The following CYP2E1 variants were observed in gnomAD, a reference collection of about 807,000 sequenced individuals.
CYP2E1 encodes the protein cytochrome P450 2E1.
Under a neutral mutation model 42.9 loss-of-function variants are expected in CYP2E1, and 31 were observed. The observed-to-expected ratio is 0.72, with a 90% confidence interval of 0.54 to 0.98. The LOEUF (loss-of-function observed/expected upper bound fraction) is 0.98. CYP2E1 is among the 50% of genes least tolerant of loss of function. The pLI is 0.00. For missense variants in CYP2E1, 565 were observed against 633.2 expected (o/e 0.89, Z 1.16); for synonymous variants, 244 against 248.9 (o/e 0.98, Z 0.19).
chr10:133,532,683 C>A lies in CYP2E1; in HGVS notation c.649-9C>A, dbSNP rs1476136018. 4 of 1,558,506 alleles carry A rather than the reference C, an allele frequency of 2.6e-6. No homozygotes were observed. Among genetic ancestry groups the A allele is most frequent in the Admixed American group, 2.1e-5 (1 of 48,090 alleles). ...AAAAAAGTAGTAAAATATTTTTTTCCCTCTCTAGCTTTACAATAATTTTCC... is the reference window on the plus strand; with the variant it reads ...AAAAAAGTAGTAAAATATTTTTTTCACTCTCTAGCTTTACAATAATTTTCC... On this transcript the variant is annotated splice_polypyrimidine_tract_variant and intron_variant, in intron 4 of 8. Transcript: ENST00000252945.
At position 133,527,439 on chromosome 10, in the gene CYP2E1, C is replaced by G; in HGVS notation, c.44C>G (p.Ala15Gly). Residue 15 changes from alanine (A) to glycine (G), a missense_variant, in exon 1 of 9, where the codon GCC becomes GGC. Physicochemically the swap from Ala to Gly is moderately conservative, Grantham distance 60. Coordinates refer to ENST00000252945, the MANE Select transcript of CYP2E1 (RefSeq NM_000773.4). Reference sequence around the variant, plus strand: ...ACCGTGGCCCTGCTGGTGTGGGCGGCCTTCCTCCTGCTGGTGTCCATGTGG... The same window carrying G: ...ACCGTGGCCCTGCTGGTGTGGGCGGGCTTCCTCCTGCTGGTGTCCATGTGG... ...GVTVALLVWA[A>G]FLLLVSMWRQ... The G allele has an allele frequency of 6.2e-7, 1 of 1,613,426 alleles. No individual in the cohort carries two copies. Among genetic ancestry groups the G allele is most frequent in the Non-Finnish European group, 8.5e-7 (1 of 1,179,860 alleles).
intron 5 of CYP2E1, 32 bp downstream of exon 5, chr10:133,532,900 C>T (rs1851356027): frequency 1.9e-6 from 3 of 1,561,166 alleles, no homozygotes; most frequent in Admixed American, 2.0e-5. Flanking sequence ...TGTGGGCTCT[C>T]CGGGGTGGGC....
intron 6 of CYP2E1, 60 bp from the exon 7 acceptor site, chr10:133,537,003 G>GTGGATGATGGA (rs1375619468): frequency 9.2e-6 from 14 of 1,515,864 alleles, no homozygotes; most frequent in Non-Finnish European, 7.3e-6. Flanking sequence ...TGGATGATGG[G>GTGGATGATGGA]TGGATGCCCA....
intron 1 of CYP2E1, 93 bp from the exon 2 acceptor site, chr10:133,528,388 C>A: frequency 2.0e-6 from 3 of 1,464,058 alleles, no homozygotes; most frequent in South Asian, 1.3e-5. Flanking sequence ...TTCTCTAGAG[C>A]AACAGCAATA....
chr10:133,534,007 A>C, intron 6 of CYP2E1, 110 bp downstream of exon 6: 3 of 1,206,696 alleles, frequency 2.5e-6, no homozygotes, highest in Non-Finnish European at 3.5e-6. Context: ...GTTAACCCTC[A>C]TGGTGATGTG....
intron 2 of CYP2E1, 44 bp downstream of exon 2, chr10:133,528,684 C>G (rs775047394): frequency 1.8e-4 from 288 of 1,605,774 alleles, no homozygotes; most frequent in Non-Finnish European, 2.2e-4. Context: ...GCATAACACG[C>G]CCCGGGACAG....
Position 133,538,930 on chromosome 10 carries a change from C to T in CYP2E1, c.1448C>T (p.Pro483Leu). 6.2e-7 allele frequency: 1 copy of T among 1,613,924 alleles called. No individual in the cohort carries two copies. Among genetic ancestry groups the T allele is most frequent in the Non-Finnish European group, 8.5e-7 (1 of 1,179,938 alleles). Residue 483 changes from proline to leucine, a missense_variant, in exon 9 of 9, where the codon CCA (proline) becomes CTA (leucine). Physicochemically the swap from Pro to Leu is moderately conservative, Grantham distance 98 (BLOSUM62 -3). Transcript: ENST00000252945. ...CATATTGGGTTTGGCTGTATCCCAC[C>T]ACGTTACAAACTCTGTGTCATTCCC... is the stretch of plus-strand genomic sequence containing the variant. ...PIHIGFGCIP[P>L]RYKLCVIPRS
At chr10:133,528,228 T>G in intron 1 of CYP2E1, 1 of 401,856 alleles carries the variant, frequency 2.5e-6, no homozygotes. Context: ...GTCCGCGGAG[T>G]TGCCGCGGAG....
chr10:133,529,223 C>G (rs921296972), intron 2 of CYP2E1, among the ~76,000 whole-genome samples: 1 of 152,218 alleles, frequency 6.6e-6, no homozygotes, highest in African/African-American at 2.4e-5. Context: ...TCCAGAGCCC[C>G]GAGTTCAGCA....
chr10:133,534,034 C>G, intron 6 of CYP2E1, 137 bp downstream of exon 6: 1 of 918,434 alleles, frequency 1.1e-6, no homozygotes, highest in South Asian at 1.6e-5. Context: ...TGGCTAGATG[C>G]ACTGCTGTGA....
At chr10:133,538,679 G>T in intron 8 of CYP2E1, 101 bp from the exon 9 acceptor site, 2 of 1,040,322 alleles carry the variant, frequency 1.9e-6, no homozygotes, top group Non-Finnish European at 2.9e-6. Context: ...ATGGCCGTTT[G>T]CCCACAGCCT....
intron 2 of CYP2E1, among the ~76,000 whole-genome samples, chr10:133,529,075 G>A (rs765776981): frequency 6.6e-6 from 1 of 152,230 alleles, no homozygotes; most frequent in Non-Finnish European, 1.5e-5. Context: ...GCTTTGCTCA[G>A]CTGCAGCTGG....
At position 133,532,775 on chromosome 10, in the gene CYP2E1, G is replaced by A. The variant is rs369888957; in HGVS notation, c.732G>A (p.Glu244=). 3 of 1,613,688 alleles carry A rather than the reference G, an allele frequency of 1.9e-6. No homozygotes were observed. Among genetic ancestry groups the A allele is most frequent in the South Asian group, 1.1e-5 (1 of 91,034 alleles). Residue 244 remains glutamate, a synonymous_variant, in exon 5 of 9, where the codon GAG becomes GAA. Transcript: ENST00000252945. The part of the protein sequence containing the change: ...KVIKNVAEVK[E]YVSERVKEHH... ...TAAAAAATGTGGCTGAAGTAAAAGA[G>A]TATGTGTCTGAAAGGGTGAAGGAGC...
intron 3 of CYP2E1, 136 bp downstream of exon 3, chr10:133,531,870 C>A: frequency 1.1e-6 from 1 of 933,482 alleles, no homozygotes; most frequent in Non-Finnish European, 1.6e-6. Flanking sequence ...TCCCCAGATA[C>A]TGCATTTTAC....
chr10:133,538,324 A>G (rs1851431015), intron 8 of CYP2E1, among the ~76,000 whole-genome samples: 1 of 152,028 alleles, frequency 6.6e-6, no homozygotes. Flanking sequence ...TGACTCAGTG[A>G]TTTTCTTTGA....
chr10:133,538,026 A>G, intron 8 of CYP2E1, 134 bp downstream of exon 8: 1 of 794,128 alleles, frequency 1.3e-6, no homozygotes, highest in Non-Finnish European at 2.0e-6. Context: ...GTTTCTATTG[A>G]CAACATGACC....
At position 133,532,749 on chromosome 10, in the gene CYP2E1, A is replaced by T. The variant is rs375484572; in HGVS notation, c.706A>T (p.Ile236Leu). 1 of 1,613,474 alleles carries T rather than the reference A, an allele frequency of 6.2e-7. No individual in the cohort carries two copies. The highest frequency in any genetic ancestry group is 8.5e-7 in the Non-Finnish European group (1 of 1,179,818). ...HYLPGSHRKVIKNVAEVKEYV... is the reference protein window; with the variant it reads ...HYLPGSHRKVLKNVAEVKEYV... ...CTTGCCTGGAAGCCACAGAAAAGTC[A>T]TAAAAAATGTGGCTGAAGTAAAAGA... is the stretch of plus-strand genomic sequence containing the variant. Residue 236 changes from isoleucine to leucine, a missense_variant, in exon 5 of 9, where the codon ATA (isoleucine) becomes TTA (leucine). Transcript: ENST00000252945.
chr10:133,530,651 C>T (rs1186728213), intron 2 of CYP2E1, among the ~76,000 whole-genome samples: 2 of 152,140 alleles, frequency 1.3e-5, no homozygotes, highest in African/African-American at 2.4e-5. Flanking sequence ...CCTTGTTTAC[C>T]GCAGAATGCC....
At chr10:133,530,391 C>T (rs1277631977) in intron 2 of CYP2E1, among the ~76,000 whole-genome samples, 1 of 152,166 alleles carries the variant, frequency 6.6e-6, no homozygotes, top group Non-Finnish European at 1.5e-5. Flanking sequence ...ATGACCACGT[C>T]TGCCCCTCTG....
Sources: allele counts gnomAD v4.1 joint callset (sites outside exome capture counted in the v4.1 genomes callset), GRCh38; gene constraint gnomAD v4.1.1; transcripts MANE v1.5; gene names NCBI Gene and HGNC (gene_info 2026-07-23, HGNC 2026-07-21).